LRP1B: variants seen among roughly 807,000 people sequenced by gnomAD.
The protein encoded by LRP1B is low-density lipoprotein receptor-related protein 1B.
LRP1B carries 217 observed loss-of-function variants against 556.6 expected under a neutral mutation model. That is an observed-to-expected ratio of 0.39 (90% confidence interval 0.35 to 0.44). The LOEUF is 0.44. LRP1B is among the 20% of genes least tolerant of loss of function. LRP1B has a pLI of 1.00. For synonymous variants in LRP1B, 2,047 were observed against 1,865.8 expected (o/e 1.10, Z -2.50); for missense variants, 5,053 against 5,620.8 (o/e 0.90, Z 3.23).
At chr2:140,644,189 C>A (rs1684397961) in intron 41 of LRP1B, among the ~76,000 whole-genome samples, 1 of 152,078 alleles carries the variant, frequency 6.6e-6, no homozygotes, top group African/African-American at 2.4e-5. Flanking sequence ...GTGGCAGGGT[C>A]CTGCTGTACA....
intron 21 of LRP1B, among the ~76,000 whole-genome samples, chr2:140,919,893 A>C (rs1298867888): frequency 1.3e-5 from 2 of 152,096 alleles, no homozygotes; most frequent in African/African-American, 4.8e-5. Context: ...ATACACAACC[A>C]TTTATTACCA....
chr2:141,044,862 C>T (rs1001733354), intron 11 of LRP1B, among the ~76,000 whole-genome samples: 10 of 151,324 alleles, frequency 6.6e-5, no homozygotes, highest in Admixed American at 2.6e-4. Context: ...GTCAGTGTGG[C>T]GATTCCTCAG....
At chr2:141,627,973 A>T (rs1688762035) in intron 2 of LRP1B, among the ~76,000 whole-genome samples, 1 of 152,178 alleles carries the variant, frequency 6.6e-6, no homozygotes. Context: ...CTGCTCTAAA[A>T]ATAAATTCTA....
intron 2 of LRP1B, among the ~76,000 whole-genome samples, chr2:141,610,927 C>T (rs542039929): frequency 6.6e-6 from 1 of 152,132 alleles, no homozygotes; most frequent in African/African-American, 2.4e-5. Context: ...ATTGGAGGAG[C>T]AACTGGTTAG....
rs148657412 is a variant in LRP1B at position 140,852,050 on chromosome 2, G to A, written c.4580-267C>T. ...ATCCTATTGCTTCGAGGTAGTGGCC[G>A]GATGTGGTTGCTCACGCCTGTCATC... On this transcript the variant is annotated intron_variant, in intron 27 of 90. Coordinates refer to ENST00000389484, the MANE Select transcript of LRP1B (RefSeq NM_018557.3). Among the ~76,000 whole-genome samples, 929 of 152,288 alleles carry A rather than the reference G, an allele frequency of 6.1e-3. 10 individuals carry two copies. The highest frequency in any genetic ancestry group is 0.021 in the African/African-American group (870 of 41,550).
intron 83 of LRP1B, among the ~76,000 whole-genome samples, chr2:140,304,680 C>T (rs976096529): frequency 6.6e-6 from 1 of 152,056 alleles, no homozygotes; most frequent in Non-Finnish European, 1.5e-5. Context: ...TTTGTCAATT[C>T]TGGCTTTTGT....
At chr2:141,999,692 T>C (rs1464219013) in intron 1 of LRP1B, among the ~76,000 whole-genome samples, 1 of 151,390 alleles carries the variant, frequency 6.6e-6, no homozygotes, top group Admixed American at 6.6e-5. Flanking sequence ...ATACTTTTTT[T>C]CTCATTAAAT....
intron 11 of LRP1B, among the ~76,000 whole-genome samples, chr2:141,021,829 T>C (rs775112480): frequency 7.9e-5 from 12 of 152,014 alleles, no homozygotes; most frequent in Non-Finnish European, 1.8e-4. Flanking sequence ...TCATAGCACC[T>C]ATCTCATAGG....
chr2:140,298,513 A>G (rs1683695778), intron 83 of LRP1B, among the ~76,000 whole-genome samples: 1 of 152,166 alleles, frequency 6.6e-6, no homozygotes. Flanking sequence ...TTTGACTTAA[A>G]TACACATACT....
intron 18 of LRP1B, among the ~76,000 whole-genome samples, chr2:140,973,678 T>C (rs1049920926): frequency 6.6e-6 from 1 of 152,052 alleles, no homozygotes; most frequent in African/African-American, 2.4e-5. Flanking sequence ...TAACTAAAGG[T>C]AAAAAGCCCA....
intron 3 of LRP1B, among the ~76,000 whole-genome samples, chr2:141,297,214 A>G (rs141173580): frequency 1.4e-3 from 206 of 152,294 alleles, no homozygotes; most frequent in African/African-American, 4.8e-3. Flanking sequence ...TCCTTTGGGT[A>G]TATACCTAGT....
At chr2:141,472,332 G>A (rs184991210) in intron 3 of LRP1B, among the ~76,000 whole-genome samples, 56 of 152,228 alleles carry the variant, frequency 3.7e-4, no homozygotes, top group African/African-American at 1.3e-3. Context: ...GATCACCTGA[G>A]GTCAGGAGTT....
chr2:140,946,590 TACTC>T (rs1448304492), intron 20 of LRP1B, among the ~76,000 whole-genome samples: 5 of 151,948 alleles, frequency 3.3e-5, no homozygotes, highest in Non-Finnish European at 5.9e-5. Flanking sequence ...AACAGAGTGA[TACTC>T]AGTCTCAAAC....
intron 1 of LRP1B, among the ~76,000 whole-genome samples, chr2:141,905,063 G>A (rs1002730730): frequency 6.6e-6 from 1 of 151,842 alleles, no homozygotes; most frequent in Non-Finnish European, 1.5e-5. Flanking sequence ...TCGGAGATCA[G>A]AATAATGGGA....
chr2:141,661,255 G>A (rs1038175100), intron 2 of LRP1B, among the ~76,000 whole-genome samples: 1 of 152,144 alleles, frequency 6.6e-6, no homozygotes, highest in Non-Finnish European at 1.5e-5. Context: ...AACTCAAAAA[G>A]CCAGAGTGCC....
intron 14 of LRP1B, among the ~76,000 whole-genome samples, chr2:141,008,652 C>T (rs2105378150): frequency 6.6e-6 from 1 of 151,990 alleles, no homozygotes; most frequent in Non-Finnish European, 1.5e-5. Flanking sequence ...CTTCTGGCTT[C>T]ATCAAAAACT....
In LRP1B at chr2:141,466,950, G is replaced by GATATATATATATATATATATATATAT. The variant is rs59093011; in HGVS notation, c.343+13445_343+13446insATATATATATATATATATATATATAT. Among the ~76,000 whole-genome samples the GATATATATATATATATATATATATAT allele has an allele frequency of 1.4e-3, 191 of 140,802 alleles. 1 individual carries two copies. Among genetic ancestry groups the GATATATATATATATATATATATATAT allele is most frequent in the Middle Eastern group, 3.7e-3 (1 of 268 alleles). The allele number at this position is 140,802 out of a possible 152,430, so 92.4% of individuals were successfully genotyped here. ...ATAAGTGAAAAGGAAGTGCTCAGGGGATATATATATATATATATATATCCC... is the reference window on the plus strand; with the variant it reads ...ATAAGTGAAAAGGAAGTGCTCAGGGGATATATATATATATATATATATATATATATATATATATATATATATATCCC... On this transcript the variant is annotated intron_variant, in intron 3 of 90. Transcript: ENST00000389484.
chr2:141,474,000 A>G (rs993908766), intron 3 of LRP1B, among the ~76,000 whole-genome samples: 2 of 130,516 alleles, frequency 1.5e-5, no homozygotes, highest in African/African-American at 5.9e-5. Context: ...GCTTTACTAA[A>G]TTCCTTCCTT....
At chr2:140,430,461 T>C (rs1283985315) in intron 66 of LRP1B, among the ~76,000 whole-genome samples, 2 of 152,152 alleles carry the variant, frequency 1.3e-5, no homozygotes, top group Admixed American at 1.3e-4. Context: ...AGTCATTCAC[T>C]GCAAAGGCCA....
Sources: allele counts gnomAD v4.1 joint callset (sites outside exome capture counted in the v4.1 genomes callset), GRCh38; gene constraint gnomAD v4.1.1; transcripts MANE v1.5; gene names NCBI Gene and HGNC (gene_info 2026-07-23, HGNC 2026-07-21).